The following GMEB1 variants were observed in gnomAD, a reference collection of about 807,000 sequenced individuals.
The protein encoded by GMEB1 is glucocorticoid modulatory element-binding protein 1.
GMEB1 carries 6 observed loss-of-function variants against 52.4 expected under a neutral mutation model. That is an observed-to-expected ratio of 0.11 (90% CI 0.06 to 0.23). The LOEUF is 0.23. Ranked by LOEUF, GMEB1 falls within the 10% of genes least tolerant of loss-of-function variation. The probability of loss-of-function intolerance (pLI) is 1.00; values close to 1 mark genes in which losing one functional copy is unlikely to be tolerated. For missense variants in GMEB1, 486 were observed against 685.6 expected, an observed-to-expected ratio of 0.71 and a Z score of 3.25; for synonymous variants, 255 against 244.9, an observed-to-expected ratio of 1.04 and a Z score of -0.38.
rs1037459285 is a variant in GMEB1 at position 28,718,136 on chromosome 1, T to C, written c.*3363T>C. On this transcript the variant is annotated 3_prime_UTR_variant, in exon 10 of 10. Transcript: ENST00000373816. ...TTGGTATGTGCATAAGCAGTTGCAA[T>C]GAACCTTAGGCTGACTTGGTAGTAG... 4 of 152,242 alleles carry C rather than the reference T, an allele frequency of 2.6e-5. No homozygotes were observed. Among genetic ancestry groups the C allele is most frequent in the African/African-American group, 9.6e-5 (4 of 41,460 alleles). 9.4% of individuals were successfully genotyped at this position (152,242 alleles called of 1,614,324 possible). A position where few individuals can be genotyped will look rare whatever the true frequency, so the allele number is the denominator to read the frequency against.
chr1:28,668,762 G>C (rs1259499092), upstream of GMEB1: 6 of 152,244 alleles, frequency 3.9e-5, no homozygotes, highest in Admixed American at 1.3e-4. Context: ...GGTGGCGGTA[G>C]CTGCCGTGGC....
chr1:28,700,403 A>G (rs1670444384), intron 6 of GMEB1, among the ~76,000 whole-genome samples: 1 of 150,454 alleles, frequency 6.6e-6, no homozygotes, highest in African/African-American at 2.5e-5. Flanking sequence ...AGTCCCAGCT[A>G]CTCCGGAGGC....
At chr1:28,706,726 G>A (rs867841028) in intron 8 of GMEB1, among the ~76,000 whole-genome samples, 5 of 151,710 alleles carry the variant, frequency 3.3e-5, no homozygotes, top group African/African-American at 1.2e-4. Context: ...GTGCAGTGGC[G>A]TGATCTTGGC....
intron 1 of GMEB1, among the ~76,000 whole-genome samples, chr1:28,669,123 C>T (rs1668755912): frequency 6.7e-6 from 1 of 150,168 alleles, no homozygotes; most frequent in Non-Finnish European, 1.5e-5. Context: ...GCTCGGGCCC[C>T]AGACCAGGGC....
Position 28,717,657 on chromosome 1 carries a change from T to A in GMEB1, c.*2884T>A, listed in dbSNP as rs1475568200. The A allele has an allele frequency of 6.6e-6, 1 of 152,256 alleles. No homozygotes were observed. Among genetic ancestry groups the A allele is most frequent in the Non-Finnish European group, 1.5e-5 (1 of 68,052 alleles). The allele number at this position is 152,256 out of a possible 1,614,324, so 9.4% of individuals were successfully genotyped here. On this transcript the variant is annotated 3_prime_UTR_variant, in exon 10 of 10. Coordinates refer to ENST00000373816, the MANE Select transcript of GMEB1 (RefSeq NM_001319674.2). ...ATATCTTTAGTGAGGGAAGTAGCTT[T>A]TATTTCCTGCTTGTTTAGGTTTTCT...
At chr1:28,705,690 A>C (rs1029505861) in intron 8 of GMEB1, among the ~76,000 whole-genome samples, 5 of 149,918 alleles carry the variant, frequency 3.3e-5, no homozygotes, top group Non-Finnish European at 7.4e-5. Flanking sequence ...ACCTTGGGTG[A>C]TCCGCCCGCC....
chr1:28,702,384 G>T, intron 6 of GMEB1, 54 bp from the exon 7 acceptor site: 1 of 1,498,754 alleles, frequency 6.7e-7, no homozygotes, highest in South Asian at 1.1e-5. Flanking sequence ...ATATAGGATA[G>T]CTATAACTTT....
In GMEB1 at chr1:28,703,017, A is replaced by G. The variant is rs545243433; in HGVS notation, c.730+448A>G. ...GGGCGACTAAGCAAGACTCCATCTC[A>G]AAAAACAAAAAACAAAAAACAAGAA... is the stretch of plus-strand genomic sequence containing the variant. On this transcript the variant is annotated intron_variant, in intron 7 of 9. Coordinates refer to ENST00000373816, the MANE Select transcript of GMEB1 (RefSeq NM_001319674.2). Among the ~76,000 whole-genome samples the G allele has an allele frequency of 8.0e-5, 12 of 150,264 alleles. No homozygotes were observed. The South Asian group carries it at 2.1e-3, about 26-fold the overall frequency.
Position 28,691,700 on chromosome 1 carries a change from G to T in GMEB1, c.327G>T (p.Lys109Asn). ...TTGTATGTCCAGGAATAAACGTGAA[G>T]TGTGTCAAGGTAATTGTCTTTTCCA... ...KKFVCPGINV[K>N]CVKFNDQLIS... is the part of the protein sequence containing the mutation. The change falls in exon 4 of 10, where the codon AAG (lysine) becomes AAT (asparagine). Residue 109 changes from lysine (K) to asparagine (N), a missense_variant. By Grantham distance (94) the Lys-to-Asn change is moderately conservative (BLOSUM62 0). Around this residue, in one of 5 missense-constraint regions of GMEB1, gnomAD observed 43 missense variants for 117.5 expected, o/e 0.37. Coordinates refer to ENST00000373816, the MANE Select transcript of GMEB1 (RefSeq NM_001319674.2). The T allele has an allele frequency of 6.6e-7, 1 of 1,516,968 alleles. No individual in the cohort carries two copies. Among genetic ancestry groups the T allele is most frequent in the Non-Finnish European group, 8.9e-7 (1 of 1,120,160 alleles). The allele number at this position is 1,516,968 out of a possible 1,614,324, so 94.0% of individuals were successfully genotyped here.
chr1:28,717,735 G>A lies in GMEB1; in HGVS notation c.*2962G>A, dbSNP rs1296653059. ...CTCAGACTGAATCTACTTGAATCTA[G>A]GAAGGCACATCTCATCCCTATTGTG... On this transcript the variant is annotated 3_prime_UTR_variant, in exon 10 of 10. Transcript: ENST00000373816. 1.3e-5 allele frequency: 2 copies of A among 152,084 alleles called. No individual in the cohort carries two copies. The highest frequency in any genetic ancestry group is 2.9e-5 in the Non-Finnish European group (2 of 68,016). 9.4% of individuals were successfully genotyped at this position (152,084 alleles called of 1,614,324 possible). A position where few individuals can be genotyped will look rare whatever the true frequency, so the allele number is the denominator to read the frequency against.
intron 6 of GMEB1, 77 bp from the exon 7 acceptor site, chr1:28,702,361 T>C (rs1375473296): frequency 1.7e-6 from 2 of 1,143,348 alleles, no homozygotes; most frequent in Non-Finnish European, 2.5e-6. Flanking sequence ...TCTTTGTAGC[T>C]ATTGAGTATG....
chr1:28,710,729 T>A, intron 9 of GMEB1, 87 bp downstream of exon 9: 5 of 506,876 alleles, frequency 9.9e-6, no homozygotes, highest in Non-Finnish European at 1.1e-5. Context: ...TTGGGGTAAC[T>A]TTTTTTTTTT....
chr1:28,685,959 AAAAC>A (rs1387377360), intron 2 of GMEB1, among the ~76,000 whole-genome samples: 4 of 152,202 alleles, frequency 2.6e-5, no homozygotes, highest in East Asian at 1.9e-4. Context: ...ACTCCGTCTC[AAAAC>A]AAACAAACAA....
At chr1:28,669,166 C>T (rs1668761347) in intron 1 of GMEB1, among the ~76,000 whole-genome samples, 1 of 151,046 alleles carries the variant, frequency 6.6e-6, no homozygotes, top group Non-Finnish European at 1.5e-5. Context: ...ACTGGGGGGG[C>T]CCCGGCGCCC....
intron 5 of GMEB1, among the ~76,000 whole-genome samples, chr1:28,695,709 C>T (rs1420641003): frequency 4.7e-5 from 7 of 148,282 alleles, no homozygotes; most frequent in African/African-American, 1.0e-4. Context: ...GAGGCCGAGG[C>T]GGGCGGATCA....
intron 2 of GMEB1, among the ~76,000 whole-genome samples, chr1:28,686,801 A>G (rs1375895586): frequency 1.3e-5 from 2 of 152,070 alleles, no homozygotes; most frequent in African/African-American, 2.4e-5. Context: ...GTGCTTTGCC[A>G]TGTTCCAGTC....
At chr1:28,680,585 AT>A (rs1215227564) in intron 1 of GMEB1, among the ~76,000 whole-genome samples, 1 of 152,016 alleles carries the variant, frequency 6.6e-6, no homozygotes, top group Non-Finnish European at 1.5e-5. Flanking sequence ...AAATACAAAA[AT>A]TAGCTGGGCG....
chr1:28,718,915 A>G lies in GMEB1; in HGVS notation c.*4142A>G, dbSNP rs1254015347. On this transcript the variant is annotated 3_prime_UTR_variant, in exon 10 of 10. Transcript: ENST00000373816. The stretch of plus-strand genomic sequence containing the variant: ...GCATATACCTAAGCTGATTTAGGAG[A>G]GACCACTTTTGGCTAGGTTTATTGT... 1 of 152,216 alleles carries G rather than the reference A, an allele frequency of 6.6e-6. No individual in the cohort carries two copies. Among genetic ancestry groups the G allele is most frequent in the Non-Finnish European group, 1.5e-5 (1 of 68,040 alleles). 9.4% of individuals were successfully genotyped at this position (152,216 alleles called of 1,614,324 possible). A position where few individuals can be genotyped will look rare whatever the true frequency, so the allele number is the denominator to read the frequency against.
intron 8 of GMEB1, among the ~76,000 whole-genome samples, chr1:28,706,591 G>A (rs1570432623): frequency 7.5e-6 from 1 of 133,054 alleles, no homozygotes; most frequent in Non-Finnish European, 1.8e-5. Flanking sequence ...GTGACAGAGC[G>A]AGAGTCCGTC....
Sources: gnomAD v4.1 joint callset for allele counts (sites outside exome capture counted in the v4.1 genomes callset) on GRCh38, gnomAD v4.1.1 for gene constraint, gnomAD v4.1.1 regional missense constraint, MANE v1.5 for transcripts, NCBI Gene and HGNC (gene_info 2026-07-23, HGNC 2026-07-21) for gene names.